The following ALOX15B variants were observed in gnomAD, a reference collection of about 807,000 sequenced individuals.
ALOX15B encodes the protein polyunsaturated fatty acid lipoxygenase ALOX15B.
ALOX15B carries 74 observed loss-of-function variants against 73.8 expected under a neutral mutation model. That is an observed-to-expected ratio of 1.00 (90% CI 0.83 to 1.22). ALOX15B has a LOEUF of 1.22. ALOX15B is among the 50% of genes most tolerant of loss of function. ALOX15B has a pLI of 0.00. For synonymous variants in ALOX15B, 353 were observed against 357.2 expected (o/e 0.99, Z 0.13); for missense variants, 896 against 859.9 (o/e 1.04, Z -0.52).
rs747917249 is a variant in ALOX15B, at chr17:8,047,783, C to A, written c.1719C>A (p.Ser573Arg). The A allele has an allele frequency of 6.2e-7, 1 of 1,614,180 alleles. No homozygotes were observed. Among genetic ancestry groups the A allele is most frequent in the South Asian group, 1.1e-5 (1 of 91,090 alleles). ...CTTGGATGCCCAACCTGCCACCCAG[C>A]ATGCAGCTGCCACCACCCACCTCCA... ...SCAWMPNLPP[S>R]MQLPPPTSKG... is the part of the protein sequence containing the mutation. The change falls in exon 13 of 14, where the codon AGC (serine) becomes AGA (arginine). Residue 573 changes from serine (S) to arginine (R), a missense_variant. Transcript: ENST00000380183.
At chr17:8,044,774 C>A in intron 5 of ALOX15B, 55 bp from the exon 6 acceptor site, 2 of 1,271,470 alleles carry the variant, frequency 1.6e-6, no homozygotes, top group African/African-American at 1.5e-5. Context: ...GTCCCCCACC[C>A]CCTGCAAAGC....
intron 3 of ALOX15B, 72 bp downstream of exon 3, chr17:8,040,055 A>G: frequency 6.9e-7 from 1 of 1,457,090 alleles, no homozygotes; most frequent in East Asian, 2.3e-5. Context: ...CCTGGTCATG[A>G]CAGAGATTAA....
In ALOX15B at chr17:8,045,109, C is replaced by T. The variant is rs965701404; in HGVS notation, c.849+108C>T. 42 of 1,580,254 alleles carry T rather than the reference C, an allele frequency of 2.7e-5. No individual in the cohort carries two copies. The African/African-American group carries it at 2.8e-4, about 11-fold the overall frequency. On this transcript the variant is annotated intron_variant, in intron 6 of 13. Coordinates refer to ENST00000380183, the MANE Select transcript of ALOX15B (RefSeq NM_001141.3). ...ACTCACATTTGTTAGGGACCTACCG[C>T]GTGCTGCGTGCCAAGCACACTCTCC...
intron 6 of ALOX15B, 83 bp downstream of exon 6, chr17:8,045,084 A>G: frequency 6.3e-7 from 1 of 1,590,254 alleles, no homozygotes; most frequent in Non-Finnish European, 8.6e-7. Flanking sequence ...AGAGGGGCAC[A>G]CTCACATTTG....
intron 13 of ALOX15B, 100 bp downstream of exon 13, chr17:8,048,015 G>A: frequency 7.1e-7 from 1 of 1,398,942 alleles, no homozygotes. Context: ...TCAGGTAGCG[G>A]GTCCCTTTGC....
At chr17:8,044,726 C>T in intron 5 of ALOX15B, 103 bp from the exon 6 acceptor site, 1 of 1,036,944 alleles carries the variant, frequency 9.6e-7, no homozygotes, top group East Asian at 2.6e-5. Context: ...TGAAGATTAG[C>T]CAGAGGCCTG....
chr17:8,042,031 G>A (rs910866987), intron 3 of ALOX15B, among the ~76,000 whole-genome samples: 4 of 152,218 alleles, frequency 2.6e-5, no homozygotes, highest in Admixed American at 6.5e-5. Flanking sequence ...CTAACAGTCT[G>A]TGTTTACTGC....
In ALOX15B at chr17:8,047,050, G is replaced by A; in HGVS notation, c.1431G>A (p.Gly477=). Residue 477 remains glycine (G), a synonymous_variant, in exon 10 of 14, where the codon GGG becomes GGA. Transcript: ENST00000380183. The part of the protein sequence containing the change: ...DIPGYYYRDD[G]MQIWGAVERF... ...CAGGCTACTACTACCGTGATGATGG[G>A]ATGCAGATCTGGGGTGCAGTGGAAC... 6.2e-7 allele frequency: 1 copy of A among 1,613,950 alleles called. No individual in the cohort carries two copies. Among genetic ancestry groups the A allele is most frequent in the Non-Finnish European group, 8.5e-7 (1 of 1,180,010 alleles).
chr17:8,044,913 G>C lies in ALOX15B; in HGVS notation c.761G>C (p.Cys254Ser). ...CTCAACCCTGTCCTGATCCGCCGCT[G>C]TCACTACCTCCCAAAGAACTTCCCC... ...NGLNPVLIRR[C>S]HYLPKNFPVT... The change falls in exon 6 of 14, where the codon TGT becomes TCT. Residue 254 changes from cysteine to serine, a missense_variant. By Grantham distance (112) the Cys-to-Ser change is moderately radical. Transcript: ENST00000380183. The C allele has an allele frequency of 6.2e-7, 1 of 1,614,060 alleles. No individual in the cohort carries two copies. Among genetic ancestry groups the C allele is most frequent in the Non-Finnish European group, 8.5e-7 (1 of 1,179,988 alleles).
intron 13 of ALOX15B, among the ~76,000 whole-genome samples, chr17:8,048,123 G>T (rs529503094): frequency 6.6e-6 from 1 of 152,338 alleles, no homozygotes; most frequent in African/African-American, 2.4e-5. Flanking sequence ...CAGTAGCAAG[G>T]GGAACGTGTA....
At position 8,042,738 on chromosome 17, in the gene ALOX15B, C is replaced by T. The variant is rs1290664062; in HGVS notation, c.573-43C>T. 14 of 1,514,416 alleles carry T rather than the reference C, an allele frequency of 9.2e-6. No homozygotes were observed. In the South Asian group the frequency reaches 1.7e-4, roughly 18 times the overall value. 93.8% of individuals were successfully genotyped at this position (1,514,416 alleles called of 1,614,324 possible). A position where few individuals can be genotyped will look rare whatever the true frequency, so the allele number is the denominator to read the frequency against. On this transcript the variant is annotated intron_variant, in intron 4 of 13. Coordinates refer to ENST00000380183, the MANE Select transcript of ALOX15B (RefSeq NM_001141.3). ...GGCTGGCTGACAGGGAAGGGTCTCCCAGGGCCTCCTCCCCACTCCCCACCC... is the reference window on the plus strand; with the variant it reads ...GGCTGGCTGACAGGGAAGGGTCTCCTAGGGCCTCCTCCCCACTCCCCACCC...
At chr17:8,046,500 G>C (rs893549791) in intron 8 of ALOX15B, among the ~76,000 whole-genome samples, 168 bp from the exon 9 acceptor site, 2 of 152,186 alleles carry the variant, frequency 1.3e-5, no homozygotes, top group African/African-American at 4.8e-5. Flanking sequence ...CAAGCTGCTG[G>C]TGGAGCCCAG....
intron 3 of ALOX15B, 94 bp from the exon 4 acceptor site, chr17:8,042,275 G>A (rs7503115): frequency 6.7e-7 from 1 of 1,500,726 alleles, no homozygotes; most frequent in Admixed American, 1.9e-5. Flanking sequence ...GTCTGGCTGT[G>A]ACCAGGCCCC....
Position 8,046,981 on chromosome 17 carries a change from G to C in ALOX15B, c.1362G>C (p.Leu454=), listed in dbSNP as rs752774860. The change falls in exon 10 of 14, where the codon CTG becomes CTC. Residue 454 remains leucine, a synonymous_variant. Transcript: ENST00000380183. Reference sequence around the variant, plus strand: ...TGAAGCAGCTGAACTATTCTCTCCTGTGTCTGCCTGAGGATATCCGGACCC... The same window carrying C: ...TGAAGCAGCTGAACTATTCTCTCCTCTGTCTGCCTGAGGATATCCGGACCC... ...RNMKQLNYSL[L]CLPEDIRTRG... is the part of the protein sequence containing the mutation. The C allele has an allele frequency of 4.0e-5, 64 of 1,614,036 alleles. No individual in the cohort carries two copies. The highest frequency in any genetic ancestry group is 5.9e-6 in the Non-Finnish European group (7 of 1,180,044).
At chr17:8,047,447 G>T in intron 11 of ALOX15B, 68 bp downstream of exon 11, 1 of 1,601,920 alleles carries the variant, frequency 6.2e-7, no homozygotes, top group South Asian at 1.1e-5. Context: ...CCCCTGCAGA[G>T]CACGCATTTG....
rs894889583 is a variant in ALOX15B at position 8,045,719 on chromosome 17, C to A, written c.1200+33C>A. On this transcript the variant is annotated intron_variant, in intron 8 of 13. Transcript: ENST00000380183. The stretch of plus-strand genomic sequence containing the variant: ...GCTTGACAAGGTGGCCCAGCCTGTG[C>A]CCATGCCTCTGTGCCTCTTCTAAGC... 8.1e-6 allele frequency: 13 copies of A among 1,605,656 alleles called. No individual in the cohort carries two copies. In the African/African-American group the frequency reaches 1.2e-4, roughly 15 times the overall value.
rs6503070 is a variant in ALOX15B, at chr17:8,044,857, C to G, written c.705C>G (p.Asp235Glu). 1.9e-6 allele frequency: 3 copies of G among 1,612,350 alleles called. No homozygotes were observed. Among genetic ancestry groups the G allele is most frequent in the African/African-American group, 1.3e-5 (1 of 74,588 alleles). Reference protein sequence around the residue: ...AEHAFEHWQEDAFFASQFLNG... With the variant: ...AEHAFEHWQEEAFFASQFLNG... ...ACGCATTTGAGCACTGGCAGGAGGA[C>G]GCCTTCTTCGCCTCCCAGTTCCTGA... The change falls in exon 6 of 14, where the codon GAC becomes GAG. Residue 235 changes from aspartate to glutamate, a missense_variant. Physicochemically the swap from Asp to Glu is conservative, Grantham distance 45. Transcript: ENST00000380183.
intron 2 of ALOX15B, 59 bp from the exon 3 acceptor site, chr17:8,039,843 C>A: frequency 6.6e-7 from 1 of 1,508,146 alleles, no homozygotes; most frequent in Non-Finnish European, 9.1e-7. Flanking sequence ...GACTGTGTGG[C>A]TGGTGGTAGT....
At position 8,039,295 on chromosome 17, in the gene ALOX15B, C is replaced by A; in HGVS notation, c.140C>A (p.Ala47Glu). 1.3e-6 allele frequency: 2 copies of A among 1,585,426 alleles called. No individual in the cohort carries two copies. Among genetic ancestry groups the A allele is most frequent in the Non-Finnish European group, 1.7e-6 (2 of 1,164,228 alleles). ...PLDNLGKEFT[A>E]GAEEDFQVTL... is the part of the protein sequence containing the mutation. Reference sequence around the variant, plus strand: ...GACAATCTCGGCAAGGAGTTCACTGCGGGCGCTGTGAGTGCGTGGGAGTGG... The same window carrying A: ...GACAATCTCGGCAAGGAGTTCACTGAGGGCGCTGTGAGTGCGTGGGAGTGG... Residue 47 changes from alanine (A) to glutamate (E), a missense_variant, in exon 1 of 14, where the codon GCG becomes GAG. By Grantham distance (107) the Ala-to-Glu change is moderately radical. Transcript: ENST00000380183.
Sources: allele counts gnomAD v4.1 joint callset (sites outside exome capture counted in the v4.1 genomes callset), GRCh38; gene constraint gnomAD v4.1.1; transcripts MANE v1.5; gene names NCBI Gene and HGNC (gene_info 2026-07-23, HGNC 2026-07-21).